Variants in LRFN2 observed in about 807,000 individuals in gnomAD.
LRFN2 encodes the protein leucine-rich repeat and fibronectin type-III domain-containing protein 2.
LRFN2 carries 18 observed loss-of-function variants against 37.3 expected under a neutral mutation model. The ratio of observed to expected loss-of-function variants is 0.48; its 90% CI spans 0.33 to 0.72. The LOEUF is 0.72. Ranked by LOEUF, LRFN2 falls within the 30% of genes least tolerant of loss-of-function variation. LRFN2 has a pLI of 0.02. For missense variants in LRFN2, 1,006 were observed against 1,060.7 expected, an observed-to-expected ratio of 0.95 and a Z score of 0.72; for synonymous variants, 556 against 466.6, an observed-to-expected ratio of 1.19 and a Z score of -2.47.
chr6:40,582,757 G>A (rs1391482193), intron 1 of LRFN2, among the ~76,000 whole-genome samples: 1 of 120,430 alleles, frequency 8.3e-6, no homozygotes, highest in African/African-American at 3.2e-5. Flanking sequence ...TGGGTAGACT[G>A]TGTCCTTACT....
intron 1 of LRFN2, among the ~76,000 whole-genome samples, chr6:40,472,592 C>T (rs949778633): frequency 1.3e-5 from 2 of 152,166 alleles, no homozygotes; most frequent in Admixed American, 6.5e-5. Context: ...CCGTGTAAGC[C>T]GAGCTGGATT....
chr6:40,486,900 G>C (rs1394981569), intron 1 of LRFN2, among the ~76,000 whole-genome samples: 1 of 152,172 alleles, frequency 6.6e-6, no homozygotes, highest in African/African-American at 2.4e-5. Context: ...TTTTATTTTA[G>C]GAAGAGTAGG....
chr6:40,519,612 G>A (rs1014519092), intron 1 of LRFN2, among the ~76,000 whole-genome samples: 3 of 152,216 alleles, frequency 2.0e-5, no homozygotes, highest in South Asian at 2.1e-4. Context: ...TAAGATGACA[G>A]CCATGAGAGC....
rs183320710 is a variant in LRFN2 at position 40,530,358 on chromosome 6, A to G, written c.-19+56583T>C. On this transcript the variant is annotated intron_variant, in intron 1 of 2. Transcript: ENST00000338305. ...AGTTCCAGAAATGAACAAGGGCCCA[A>G]GTTATGGTAAGCGTGAATGGTGAGG... 1.2e-3 allele frequency among the ~76,000 whole-genome samples: 178 copies of G among 152,362 alleles called. 1 individual carries two copies. Among genetic ancestry groups the G allele is most frequent in the African/African-American group, 4.2e-3 (175 of 41,594 alleles).
At chr6:40,571,791 GCCT>G (rs2113794887) in intron 1 of LRFN2, among the ~76,000 whole-genome samples, 2 of 152,312 alleles carry the variant, frequency 1.3e-5, no homozygotes, top group East Asian at 3.9e-4. Context: ...AGGGGGAAGA[GCCT>G]TTGAGGGCCC....
chr6:40,504,517 G>A (rs1255679016), intron 1 of LRFN2, among the ~76,000 whole-genome samples: 1 of 152,280 alleles, frequency 6.6e-6, no homozygotes, highest in East Asian at 1.9e-4. Context: ...CTCATTATGA[G>A]GGTGGGAACA....
At chr6:40,531,938 G>C (rs1458985300) in intron 1 of LRFN2, among the ~76,000 whole-genome samples, 1 of 152,180 alleles carries the variant, frequency 6.6e-6, no homozygotes, top group African/African-American at 2.4e-5. Context: ...CTCCGTGCTG[G>C]GATCTGTGAA....
intron 2 of LRFN2, among the ~76,000 whole-genome samples, chr6:40,401,722 G>A (rs1476167928): frequency 6.6e-6 from 1 of 152,126 alleles, no homozygotes; most frequent in Non-Finnish European, 1.5e-5. Flanking sequence ...GTCTATACAA[G>A]AAATCCTTGC....
intron 1 of LRFN2, among the ~76,000 whole-genome samples, chr6:40,462,403 C>T (rs1278512270): frequency 6.6e-6 from 1 of 152,168 alleles, no homozygotes; most frequent in Non-Finnish European, 1.5e-5. Flanking sequence ...TCCAGAAGCA[C>T]ATGGACTCCA....
intron 1 of LRFN2, among the ~76,000 whole-genome samples, chr6:40,439,654 G>A (rs534718640): frequency 1.3e-5 from 2 of 152,336 alleles, no homozygotes; most frequent in South Asian, 4.1e-4. Flanking sequence ...CTCTCAGGAA[G>A]TGACATTCTG....
intron 1 of LRFN2, among the ~76,000 whole-genome samples, chr6:40,546,532 A>T (rs1766666801): frequency 6.6e-6 from 1 of 152,174 alleles, no homozygotes; most frequent in South Asian, 2.1e-4. Context: ...GCCTCTCATG[A>T]TATGTCCTCA....
chr6:40,427,180 A>G (rs1423544497), intron 2 of LRFN2, among the ~76,000 whole-genome samples: 1 of 152,258 alleles, frequency 6.6e-6, no homozygotes, highest in Non-Finnish European at 1.5e-5. Flanking sequence ...TGTAGTTATC[A>G]ATCTTAATTA....
intron 1 of LRFN2, among the ~76,000 whole-genome samples, chr6:40,491,208 C>G (rs1765085905): frequency 6.6e-6 from 1 of 152,220 alleles, no homozygotes; most frequent in South Asian, 2.1e-4. Flanking sequence ...TCTCTGGGGC[C>G]TGGTCTGCTC....
intron 1 of LRFN2, among the ~76,000 whole-genome samples, chr6:40,496,069 A>T (rs945348978): frequency 6.6e-6 from 1 of 152,102 alleles, no homozygotes; most frequent in Non-Finnish European, 1.5e-5. Flanking sequence ...CCACCCATCC[A>T]GATGCTCAAG....
rs1264617737 is a variant in LRFN2, at chr6:40,547,932, T to C, written c.-19+39009A>G. Among the ~76,000 whole-genome samples the C allele has an allele frequency of 7.2e-5, 11 of 152,168 alleles. No homozygotes were observed. In the South Asian group the frequency reaches 2.3e-3, roughly 32 times the overall value. On this transcript the variant is annotated intron_variant, in intron 1 of 2. Coordinates refer to ENST00000338305, the MANE Select transcript of LRFN2 (RefSeq NM_020737.3). The stretch of plus-strand genomic sequence containing the variant: ...CCATCCCCACACCTTTGTAAATAGT[T>C]TCTTTTAATATAACTCATTTGAATG...
intron 1 of LRFN2, among the ~76,000 whole-genome samples, chr6:40,439,254 C>T (rs1277972043): frequency 2.6e-5 from 4 of 152,196 alleles, no homozygotes; most frequent in Non-Finnish European, 5.9e-5. Context: ...AGATGCCTGT[C>T]TCCGCTTCAG....
intron 2 of LRFN2, among the ~76,000 whole-genome samples, chr6:40,410,431 C>G (rs1405196369): frequency 2.0e-5 from 3 of 152,170 alleles, no homozygotes; most frequent in Non-Finnish European, 4.4e-5. Flanking sequence ...GAGTTAGCAT[C>G]AAAGTGACCT....
In LRFN2 at chr6:40,479,314, C is replaced by T. The variant is rs1055412197; in HGVS notation, c.-18-46183G>A. 1.1e-4 allele frequency among the ~76,000 whole-genome samples: 17 copies of T among 152,220 alleles called. 1 individual carries two copies. The highest frequency in any genetic ancestry group is 2.9e-5 in the Non-Finnish European group (2 of 68,036). ...CTGTCCTCCAGCCTAGTCATAGCAA[C>T]CACCACTCAGAAGAGGGCTTCCCAC... On this transcript the variant is annotated intron_variant, in intron 1 of 2. Transcript: ENST00000338305.
At chr6:40,396,372 G>A (rs750987700) in intron 2 of LRFN2, among the ~76,000 whole-genome samples, 6 of 152,134 alleles carry the variant, frequency 3.9e-5, no homozygotes, top group Non-Finnish European at 7.3e-5. Flanking sequence ...ACACTGCCCC[G>A]TCTTCCTGCC....
Sources: allele counts gnomAD v4.1 joint callset (sites outside exome capture counted in the v4.1 genomes callset), GRCh38; gene constraint gnomAD v4.1.1; transcripts MANE v1.5; gene names NCBI Gene and HGNC (gene_info 2026-07-23, HGNC 2026-07-21).